Variants in TLN2 observed in about 807,000 individuals in gnomAD.
The protein encoded by TLN2 is talin 2, also known as talin-2.
Under a neutral mutation model 294.7 loss-of-function variants are expected in TLN2, and 118 were observed. The observed-to-expected ratio is 0.40, with a 90% CI of 0.34 to 0.47. TLN2 has a LOEUF of 0.47. TLN2 is among the 20% of genes least tolerant of loss of function. The probability of loss-of-function intolerance (pLI) is 0.84; values close to 1 mark genes in which losing one functional copy is unlikely to be tolerated. For missense variants in TLN2, 3,083 were observed against 3,282.2 expected, an observed-to-expected ratio of 0.94 and a Z score of 1.48; for synonymous variants, 1,431 against 1,304.5, an observed-to-expected ratio of 1.10 and a Z score of -2.09.
chr15:62,638,379 A>T (rs1488393619), intron 3 of TLN2: 1 of 363,896 alleles, frequency 2.7e-6, no homozygotes, highest in Admixed American at 3.6e-5. Flanking sequence ...TTTTATAGCA[A>T]AGTTTAACTG....
chr15:62,508,802 GTA>G (rs746976021), intron 1 of TLN2, among the ~76,000 whole-genome samples: 2 of 152,142 alleles, frequency 1.3e-5, no homozygotes, highest in Non-Finnish European at 2.9e-5. Flanking sequence ...GTGTGTGTGT[GTA>G]ATGTTACTTT....
chr15:62,587,324 T>A (rs1357797407), intron 1 of TLN2, among the ~76,000 whole-genome samples: 2 of 152,234 alleles, frequency 1.3e-5, no homozygotes, highest in Non-Finnish European at 2.9e-5. Context: ...AAATAATGAT[T>A]GCTCATTTTA....
rs1317986811 is a variant in TLN2 at position 62,832,742 on chromosome 15, ACTCT to A, written c.7003-758_7003-755del. Reference sequence around the variant, plus strand: ...CTGGGCAATGTGTGCTTGGTCTATAACTCTCTCAGTGCTCAGCCACAGAAATGCC... The same window carrying A: ...CTGGGCAATGTGTGCTTGGTCTATAACTCAGTGCTCAGCCACAGAAATGCC... On this transcript the variant is annotated intron_variant, in intron 54 of 58. Transcript: ENST00000636159. 6 of 151,644 alleles carry A rather than the reference ACTCT, an allele frequency of 4.0e-5. No homozygotes were observed. In the East Asian group the frequency reaches 1.2e-3, roughly 29 times the overall value. 9.4% of individuals were successfully genotyped at this position (151,644 alleles called of 1,614,324 possible).
chr15:62,698,911 C>T, intron 16 of TLN2, 44 bp downstream of exon 16: 2 of 1,563,432 alleles, frequency 1.3e-6, no homozygotes, highest in Non-Finnish European at 1.7e-6. Flanking sequence ...TCTGCCCTGG[C>T]AGAAAGCAGG....
chr15:62,653,955 A>G (rs1376359688), intron 7 of TLN2, among the ~76,000 whole-genome samples: 1 of 152,184 alleles, frequency 6.6e-6, no homozygotes, highest in Non-Finnish European at 1.5e-5. Context: ...GACTAATACT[A>G]ATGATGTATA....
rs34852037 is a variant in TLN2, at chr15:62,703,104, AT to A, written c.2004+256del. On this transcript the variant is annotated intron_variant, in intron 19 of 58. Transcript: ENST00000636159. ...GTAAAGCACGTATTTAGCTTTCCTG[AT>A]TTTTTTTTTTTTTTTAAATTAGAGT... is the stretch of plus-strand genomic sequence containing the variant. 7.4e-3 allele frequency among the ~76,000 whole-genome samples: 1,042 copies of A among 140,442 alleles called. 1 individual carries two copies. The highest frequency in any genetic ancestry group is 7.5e-3 in the Admixed American group (105 of 14,032). The allele number at this position is 140,442 out of a possible 152,430, so 92.1% of individuals were successfully genotyped here.
chr15:62,612,933 A>G (rs1453496957), intron 2 of TLN2, among the ~76,000 whole-genome samples: 2 of 152,252 alleles, frequency 1.3e-5, no homozygotes, highest in Non-Finnish European at 2.9e-5. Flanking sequence ...CTGGAAAGGA[A>G]TGCCAGAGAT....
intron 43 of TLN2, among the ~76,000 whole-genome samples, chr15:62,778,139 C>T (rs1041663943): frequency 6.6e-6 from 1 of 152,170 alleles, no homozygotes. Context: ...GAATAATTAT[C>T]CTTAGGCATT....
chr15:62,530,099 G>A (rs2040963377), intron 1 of TLN2, among the ~76,000 whole-genome samples: 1 of 152,152 alleles, frequency 6.6e-6, no homozygotes, highest in Admixed American at 6.5e-5. Context: ...GCTGAGGCAG[G>A]AGAATTGCTT....
At chr15:62,638,387 C>T in intron 3 of TLN2, 2 of 367,972 alleles carry the variant, frequency 5.4e-6, no homozygotes, top group Non-Finnish European at 1.1e-5. Context: ...CAAAGTTTAA[C>T]TGGGGACAAA....
At position 62,702,132 on chromosome 15, in the gene TLN2, A is replaced by C. The variant is rs2058754580; in HGVS notation, c.1837A>C (p.Arg613=). The part of the protein sequence containing the change: ...DEVGSGEDLL[R]AARTLAGAVS... Reference sequence around the variant, plus strand: ...GGTGGGCAGCGGGGAGGACTTGCTCAGAGCTGCCAGGACCCTCGCTGGGGC... The same window carrying C: ...GGTGGGCAGCGGGGAGGACTTGCTCCGAGCTGCCAGGACCCTCGCTGGGGC... The change falls in exon 18 of 59, where the codon AGA becomes CGA. Residue 613 remains arginine, a synonymous_variant. Coordinates refer to ENST00000636159, the MANE Select transcript of TLN2 (RefSeq NM_015059.3). 6.2e-7 allele frequency: 1 copy of C among 1,613,830 alleles called. No homozygotes were observed. The highest frequency in any genetic ancestry group is 1.3e-5 in the African/African-American group (1 of 74,940).
At chr15:62,393,986 G>T (rs1157056237) in intron 1 of TLN2, among the ~76,000 whole-genome samples, 2 of 152,036 alleles carry the variant, frequency 1.3e-5, no homozygotes, top group Non-Finnish European at 2.9e-5. Context: ...ATGTTGGCCA[G>T]GCTGGTCTCG....
intron 32 of TLN2, among the ~76,000 whole-genome samples, chr15:62,742,765 T>G (rs978275534): frequency 1.3e-5 from 2 of 152,198 alleles, no homozygotes; most frequent in African/African-American, 4.8e-5. Context: ...ATGGAACTGT[T>G]GCGAGAAAAC....
chr15:62,829,589 A>G (rs2068572839), intron 54 of TLN2: 1 of 152,222 alleles, frequency 6.6e-6, no homozygotes, highest in Non-Finnish European at 1.5e-5. Flanking sequence ...GCAATGTGAA[A>G]TAAGCACATC....
intron 21 of TLN2, among the ~76,000 whole-genome samples, chr15:62,710,182 C>G (rs1287846981): frequency 6.6e-6 from 1 of 152,166 alleles, no homozygotes; most frequent in African/African-American, 2.4e-5. Flanking sequence ...TACAAAAATA[C>G]TACAATAAGC....
intron 1 of TLN2, among the ~76,000 whole-genome samples, chr15:62,472,148 A>G (rs1435675623): frequency 6.6e-6 from 1 of 151,932 alleles, no homozygotes; most frequent in Non-Finnish European, 1.5e-5. Flanking sequence ...ATGTCTGGGA[A>G]TCTCCTCACC....
At chr15:62,457,838 T>C (rs1351776161) in intron 1 of TLN2, among the ~76,000 whole-genome samples, 1 of 152,152 alleles carries the variant, frequency 6.6e-6, no homozygotes, top group Non-Finnish European at 1.5e-5. Flanking sequence ...TGGCTTCAGG[T>C]CCCCTCTGCT....
rs568234314 is a variant in TLN2, at chr15:62,646,256, G to A, written c.-36-1019G>A. ...CAGCTCACTGCAACCTCTGTCTCCC[G>A]GGTTCAAGCGATTCTCCTGTCTCAG... On this transcript the variant is annotated intron_variant, in intron 3 of 58. Coordinates refer to ENST00000636159, the MANE Select transcript of TLN2 (RefSeq NM_015059.3). 4.1e-4 allele frequency among the ~76,000 whole-genome samples: 63 copies of A among 151,874 alleles called. No homozygotes were observed. The South Asian group carries it at 4.4e-3, about 11-fold the overall frequency.
chr15:62,823,095 G>A (rs2067723030), intron 54 of TLN2, among the ~76,000 whole-genome samples: 1 of 152,282 alleles, frequency 6.6e-6, no homozygotes, highest in South Asian at 2.1e-4. Flanking sequence ...CATAACTGAT[G>A]ATGTGAATCC....
Sources: allele counts gnomAD v4.1 joint callset (sites outside exome capture counted in the v4.1 genomes callset), GRCh38; gene constraint gnomAD v4.1.1; transcripts MANE v1.5; gene names NCBI Gene and HGNC (gene_info 2026-07-23, HGNC 2026-07-21).